FRMD4B: variants seen among roughly 807,000 people sequenced by gnomAD.
FRMD4B encodes the protein FERM domain containing 4B, also known as FERM domain-containing protein 4B.
FRMD4B carries 74 observed loss-of-function variants against 141.5 expected under a neutral mutation model. That is an observed-to-expected ratio of 0.52 (90% CI 0.43 to 0.63). The LOEUF (loss-of-function observed/expected upper bound fraction) is 0.63. Among genes scored for constraint, FRMD4B ranks in the 30% least tolerant of loss-of-function variants. The pLI, the probability that FRMD4B is intolerant of heterozygous loss-of-function variation, is 0.00. For missense variants in FRMD4B, 1,366 were observed against 1,253.4 expected (o/e 1.09, Z -1.36); for synonymous variants, 506 against 467.9 (o/e 1.08, Z -1.05).
chr3:69,275,439 TCTC>T lies in FRMD4B; in HGVS notation c.501+12310_501+12312del, dbSNP rs1296427249. ...AAAATGTTTTTATTCTCTCTCTCTCTCTCTTTTTTTTTTTTTTTGAGACAAGTT... is the reference window on the plus strand; with the variant it reads ...AAAATGTTTTTATTCTCTCTCTCTCTTTTTTTTTTTTTTTTGAGACAAGTT... On this transcript the variant is annotated intron_variant, in intron 5 of 22. Coordinates refer to ENST00000398540, the MANE Select transcript of FRMD4B (RefSeq NM_015123.3). 4.8e-3 allele frequency among the ~76,000 whole-genome samples: 160 copies of T among 33,058 alleles called. 2 individuals carry two copies. Among genetic ancestry groups the T allele is most frequent in the South Asian group, 0.02 (13 of 650 alleles). 21.7% of individuals were successfully genotyped at this position (33,058 alleles called of 152,430 possible). A position where few individuals can be genotyped will look rare whatever the true frequency, so the allele number is the denominator to read the frequency against.
At chr3:69,295,009 A>G (rs1700992502) in intron 4 of FRMD4B, among the ~76,000 whole-genome samples, 2 of 152,208 alleles carry the variant, frequency 1.3e-5, no homozygotes, top group Non-Finnish European at 2.9e-5. Flanking sequence ...ACTTGATAGA[A>G]TGTTTCGCCC....
intron 2 of FRMD4B, 118 bp downstream of exon 2, chr3:69,313,334 A>G: frequency 1.4e-6 from 1 of 734,298 alleles, no homozygotes; most frequent in Non-Finnish European, 2.5e-6. Flanking sequence ...AAGATAACAG[A>G]GAAGCCTGAA....
chr3:69,212,109 A>T (rs1454755068), intron 11 of FRMD4B, among the ~76,000 whole-genome samples: 6 of 151,726 alleles, frequency 4.0e-5, no homozygotes, highest in African/African-American at 1.5e-4. Context: ...CTGTATTCCC[A>T]GCACTTTGGG....
chr3:69,255,083 C>A (rs1029234637), intron 5 of FRMD4B, among the ~76,000 whole-genome samples: 7 of 152,156 alleles, frequency 4.6e-5, no homozygotes, highest in African/African-American at 7.2e-5. Context: ...ACTGGGACAA[C>A]TGGACTGTAT....
chr3:69,177,050 G>C (rs777372089), intron 21 of FRMD4B, among the ~76,000 whole-genome samples: 1 of 152,118 alleles, frequency 6.6e-6, no homozygotes, highest in African/African-American at 2.4e-5. Flanking sequence ...AAATAATCTA[G>C]GTTGGGGCCA....
chr3:69,507,442 C>T (rs2107086117), intron 1 of FRMD4B, among the ~76,000 whole-genome samples: 1 of 151,960 alleles, frequency 6.6e-6, no homozygotes, highest in Middle Eastern at 3.4e-3. Context: ...TGTTCTGTAC[C>T]TTGTATTTTT....
intron 8 of FRMD4B, among the ~76,000 whole-genome samples, chr3:69,222,639 C>A (rs112825012): frequency 6.6e-6 from 1 of 151,890 alleles, no homozygotes; most frequent in Non-Finnish European, 1.5e-5. Context: ...GTTGTGGTGG[C>A]GCATGCCTGT....
chr3:69,341,365 A>T (rs1215488217), intron 1 of FRMD4B, among the ~76,000 whole-genome samples: 2 of 152,228 alleles, frequency 1.3e-5, no homozygotes, highest in Admixed American at 1.3e-4. Flanking sequence ...TTCAGGTCCC[A>T]CTAGAGTGAC....
rs188272662 is a variant in FRMD4B, at chr3:69,300,963, T to C, written c.416+1380A>G. ...GTTGGCCAGGCTGGTCTCATACTCCTGACCTCAAGTGATCTGCCTACCTCG... is the reference window on the plus strand; with the variant it reads ...GTTGGCCAGGCTGGTCTCATACTCCCGACCTCAAGTGATCTGCCTACCTCG... On this transcript the variant is annotated intron_variant, in intron 4 of 22. Coordinates refer to ENST00000398540, the MANE Select transcript of FRMD4B (RefSeq NM_015123.3). 3.5e-3 allele frequency among the ~76,000 whole-genome samples: 538 copies of C among 152,288 alleles called. 5 individuals carry two copies. Among genetic ancestry groups the C allele is most frequent in the African/African-American group, 0.012 (518 of 41,546 alleles).
At chr3:69,540,197 G>A (rs1383898867) in intron 1 of FRMD4B, among the ~76,000 whole-genome samples, 2 of 151,942 alleles carry the variant, frequency 1.3e-5, no homozygotes, top group South Asian at 2.1e-4. Flanking sequence ...AAAAAAAAAG[G>A]AAGAATTGTA....
intron 1 of FRMD4B, among the ~76,000 whole-genome samples, chr3:69,519,475 G>A (rs1002979509): frequency 6.6e-6 from 1 of 152,144 alleles, no homozygotes; most frequent in East Asian, 1.9e-4. Flanking sequence ...TTGGAAAGCA[G>A]TCATCCTCTT....
chr3:69,467,255 T>C (rs1313841632), intron 1 of FRMD4B, among the ~76,000 whole-genome samples: 6 of 152,176 alleles, frequency 3.9e-5, no homozygotes, highest in Non-Finnish European at 8.8e-5. Flanking sequence ...GGAAGGAAGC[T>C]AATAAAGCTA....
chr3:69,375,091 C>T (rs917443942), intron 1 of FRMD4B, among the ~76,000 whole-genome samples: 3 of 144,412 alleles, frequency 2.1e-5, no homozygotes, highest in African/African-American at 5.1e-5. Context: ...CAAACACCTA[C>T]CTATCTATCC....
At chr3:69,478,665 A>G (rs538667711) in intron 1 of FRMD4B, among the ~76,000 whole-genome samples, 4 of 151,658 alleles carry the variant, frequency 2.6e-5, no homozygotes, top group Admixed American at 2.6e-4. Context: ...GTGGTGCTGA[A>G]AAAAGTGTAT....
At chr3:69,267,831 T>C (rs1457106588) in intron 5 of FRMD4B, among the ~76,000 whole-genome samples, 1 of 149,612 alleles carries the variant, frequency 6.7e-6, no homozygotes, top group Non-Finnish European at 1.5e-5. Context: ...TGAGATTTCA[T>C]CATGTTGGCC....
At chr3:69,279,040 A>G (rs2093631754) in intron 5 of FRMD4B, among the ~76,000 whole-genome samples, 1 of 152,212 alleles carries the variant, frequency 6.6e-6, no homozygotes, top group African/African-American at 2.4e-5. Flanking sequence ...ATTAAACACA[A>G]CACATACCAT....
chr3:69,365,044 A>G (rs79325776), intron 1 of FRMD4B, among the ~76,000 whole-genome samples: 2,692 of 152,344 alleles, frequency 0.018, 31 homozygotes, highest in Middle Eastern at 0.034. Context: ...AACTATTCTC[A>G]GCCATTTCTA....
At chr3:69,508,150 C>G (rs948098483) in intron 1 of FRMD4B, among the ~76,000 whole-genome samples, 6 of 152,132 alleles carry the variant, frequency 3.9e-5, no homozygotes, top group Non-Finnish European at 1.5e-5. Context: ...TGTTCTTTCT[C>G]CTGAACATAT....
chr3:69,335,342 T>C (rs1702507153), intron 1 of FRMD4B, among the ~76,000 whole-genome samples: 1 of 151,422 alleles, frequency 6.6e-6, no homozygotes, highest in Non-Finnish European at 1.5e-5. Flanking sequence ...GTTAAGACAT[T>C]GTTGCATAAC....
Sources: allele counts gnomAD v4.1 joint callset (sites outside exome capture counted in the v4.1 genomes callset), GRCh38; gene constraint gnomAD v4.1.1; transcripts MANE v1.5; gene names NCBI Gene and HGNC (gene_info 2026-07-23, HGNC 2026-07-21).